Variants in LRP1B observed in about 807,000 individuals in gnomAD.
The protein encoded by LRP1B is low-density lipoprotein receptor-related protein 1B.
Under a neutral mutation model 556.6 loss-of-function variants are expected in LRP1B, and 217 were observed. The ratio of observed to expected loss-of-function variants is 0.39; its 90% confidence interval spans 0.35 to 0.44. LRP1B has a LOEUF of 0.44. LRP1B is among the 20% of genes least tolerant of loss of function. The pLI is 1.00. For missense variants in LRP1B, 5,053 were observed against 5,620.8 expected (o/e 0.90, Z 3.23); for synonymous variants, 2,047 against 1,865.8 (o/e 1.10, Z -2.50).
intron 2 of LRP1B, among the ~76,000 whole-genome samples, chr2:141,781,387 T>C (rs1170817161): frequency 6.6e-6 from 1 of 152,218 alleles, no homozygotes; most frequent in African/African-American, 2.4e-5. Flanking sequence ...CTTCACTATA[T>C]ACTTAGTTAA....
At chr2:141,800,615 A>T (rs1405850906) in intron 2 of LRP1B, among the ~76,000 whole-genome samples, 1 of 152,206 alleles carries the variant, frequency 6.6e-6, no homozygotes, top group Non-Finnish European at 1.5e-5. Context: ...CAAAGGAGAT[A>T]ATCCATGTAA....
intron 77 of LRP1B, among the ~76,000 whole-genome samples, chr2:140,342,833 G>A (rs1681464969): frequency 6.6e-6 from 1 of 151,518 alleles, no homozygotes; most frequent in Admixed American, 6.6e-5. Context: ...AAAAGTAAAA[G>A]TATTAAAAGA....
At chr2:140,420,897 T>C (rs551647076) in intron 66 of LRP1B, among the ~76,000 whole-genome samples, 1 of 152,148 alleles carries the variant, frequency 6.6e-6, no homozygotes, top group African/African-American at 2.4e-5. Flanking sequence ...TTATCTTGAT[T>C]GTGTAGAGGG....
rs147319845 is a variant in LRP1B, at chr2:141,992,665, G to A, written c.82+137983C>T. On this transcript the variant is annotated intron_variant, in intron 1 of 90. Transcript: ENST00000389484. ...CTCATTGAAAACCTGCATTCTGCCC[G>A]GTGTGGGAAATTAATGTTGATTGTG... Among the ~76,000 whole-genome samples, 36 of 152,206 alleles carry A rather than the reference G, an allele frequency of 2.4e-4. No individual in the cohort carries two copies. The East Asian group carries it at 6.4e-3, about 27-fold the overall frequency.
intron 2 of LRP1B, among the ~76,000 whole-genome samples, chr2:141,735,061 T>C (rs2105526705): frequency 6.6e-6 from 1 of 152,234 alleles, no homozygotes; most frequent in Non-Finnish European, 1.5e-5. Flanking sequence ...TATATACCAT[T>C]GTAAGTAGGA....
intron 3 of LRP1B, among the ~76,000 whole-genome samples, chr2:141,450,017 A>G (rs1681356169): frequency 6.6e-6 from 1 of 152,172 alleles, no homozygotes; most frequent in Non-Finnish European, 1.5e-5. Flanking sequence ...GTTGAGAACC[A>G]CTGGTTTCAA....
At chr2:140,239,364 T>A in intron 88 of LRP1B, 78 bp downstream of exon 88, 1 of 918,864 alleles carries the variant, frequency 1.1e-6, no homozygotes, top group Admixed American at 2.7e-5. Context: ...TTTAAAAAAA[T>A]TAACAACAAA....
intron 20 of LRP1B, among the ~76,000 whole-genome samples, chr2:140,939,452 C>T (rs1439166501): frequency 6.7e-6 from 1 of 148,712 alleles, no homozygotes; most frequent in Non-Finnish European, 1.5e-5. Flanking sequence ...GATTTGGAAA[C>T]TTGTTAAAGA....
Position 140,867,740 on chromosome 2 carries a change from G to A in LRP1B, c.4429C>T (p.Leu1477=), listed in dbSNP as rs760933759. ...EYLSHPFAVS[L]YGSEVYWTDW... ...GTCCAGTAGACTTCACTCCCATATA[G>A]AGACACAGCAAAGGGATGGGAAAGG... The change falls in exon 27 of 91, where the codon CTA becomes TTA. Residue 1477 remains leucine, a synonymous_variant. Coordinates refer to ENST00000389484, the MANE Select transcript of LRP1B (RefSeq NM_018557.3). 2.9e-5 allele frequency: 47 copies of A among 1,611,984 alleles called. No homozygotes were observed. Among genetic ancestry groups the A allele is most frequent in the South Asian group, 8.8e-5 (8 of 90,872 alleles).
Position 140,700,467 on chromosome 2 carries a change from TCTTC to T in LRP1B, c.6578_6581del (p.Gly2193GlufsTer4). On this transcript the variant is annotated frameshift_variant, in exon 41 of 91. Coordinates refer to ENST00000389484, the MANE Select transcript of LRP1B (RefSeq NM_018557.3). LOFTEE classifies it high-confidence loss of function. Reference sequence around the variant, plus strand: ...AAAGATGTATACTTTTTAATATTGTTCTTCCTGAATACAGTAAATAGCCTTCATG... The same window carrying T: ...AAAGATGTATACTTTTTAATATTGTTCTGAATACAGTAAATAGCCTTCATG... The T allele has an allele frequency of 6.2e-7, 1 of 1,613,538 alleles. No individual in the cohort carries two copies. Among genetic ancestry groups the T allele is most frequent in the Non-Finnish European group, 8.5e-7 (1 of 1,179,650 alleles).
intron 2 of LRP1B, among the ~76,000 whole-genome samples, chr2:141,525,331 T>C (rs1684661961): frequency 6.6e-6 from 1 of 152,024 alleles, no homozygotes; most frequent in African/African-American, 2.4e-5. Context: ...ACAATTGACA[T>C]TGTATTTGAA....
intron 3 of LRP1B, among the ~76,000 whole-genome samples, chr2:141,367,202 GCTT>G (rs1266457783): frequency 6.6e-6 from 1 of 152,190 alleles, no homozygotes; most frequent in Non-Finnish European, 1.5e-5. Context: ...CATTAAGTGA[GCTT>G]CACATAATTA....
At chr2:141,278,535 G>T (rs1685390603) in intron 3 of LRP1B, among the ~76,000 whole-genome samples, 1 of 152,142 alleles carries the variant, frequency 6.6e-6, no homozygotes, top group African/African-American at 2.4e-5. Flanking sequence ...GTAAAGCAGA[G>T]TGAATTTCCT....
chr2:141,467,067 G>GATAT (rs1213511465), intron 3 of LRP1B, among the ~76,000 whole-genome samples: 1 of 132,960 alleles, frequency 7.5e-6, no homozygotes. Flanking sequence ...GGCTCCCCAG[G>GATAT]ATATATATAT....
At chr2:141,310,467 G>A (rs1686770904) in intron 3 of LRP1B, among the ~76,000 whole-genome samples, 1 of 152,158 alleles carries the variant, frequency 6.6e-6, no homozygotes, top group African/African-American at 2.4e-5. Context: ...CTAGCACAGA[G>A]TGATATATAC....
intron 55 of LRP1B, among the ~76,000 whole-genome samples, chr2:140,499,069 G>A (rs1489474011): frequency 6.6e-6 from 1 of 151,522 alleles, no homozygotes; most frequent in East Asian, 1.9e-4. Flanking sequence ...TTCTTTCTAC[G>A]GCTTCTTGAG....
intron 3 of LRP1B, among the ~76,000 whole-genome samples, chr2:141,321,233 C>T (rs780006109): frequency 6.6e-6 from 1 of 152,004 alleles, no homozygotes; most frequent in African/African-American, 2.4e-5. Context: ...ATTGTTTCAG[C>T]AATTTTTAGG....
chr2:140,267,687 G>A (rs1357865481), intron 86 of LRP1B, among the ~76,000 whole-genome samples: 5 of 151,862 alleles, frequency 3.3e-5, no homozygotes, highest in Non-Finnish European at 4.4e-5. Flanking sequence ...AATGTGGAGT[G>A]TGGGGATATA....
chr2:140,960,976 G>A (rs1356810235), intron 18 of LRP1B, among the ~76,000 whole-genome samples: 2 of 151,802 alleles, frequency 1.3e-5, no homozygotes, highest in Non-Finnish European at 2.9e-5. Context: ...AAGAACAAAG[G>A]AGAGGGTAGT....
Sources: allele counts gnomAD v4.1 joint callset (sites outside exome capture counted in the v4.1 genomes callset), GRCh38; gene constraint gnomAD v4.1.1; transcripts MANE v1.5; gene names NCBI Gene and HGNC (gene_info 2026-07-23, HGNC 2026-07-21).